The following FRMPD4 variants were observed in gnomAD, a reference collection of about 807,000 sequenced individuals.
FRMPD4 encodes the protein FERM and PDZ domain containing 4, also known as FERM and PDZ domain-containing protein 4.
A neutral mutation model predicts 94.1 loss-of-function variants in FRMPD4; 22 were observed. The observed-to-expected ratio is 0.23, with a 90% CI of 0.17 to 0.33. The LOEUF (loss-of-function observed/expected upper bound fraction) is 0.33, where lower values mean the gene tolerates loss of function less well. Among genes scored for constraint, FRMPD4 ranks in the 10% least tolerant of loss-of-function variants. FRMPD4 has a pLI of 1.00. For synonymous variants in FRMPD4, 631 were observed against 548.6 expected (o/e 1.15, Z -2.10); for missense variants, 1,111 against 1,339.9 (o/e 0.83, Z 2.67).
At chrX:12,506,582 C>T (rs1003890431) in intron 2 of FRMPD4, among the ~76,000 whole-genome samples, 10 of 112,155 alleles carry the variant, frequency 8.9e-5, no homozygotes, top group Admixed American at 8.5e-4. Flanking sequence ...CCACTGTACC[C>T]GGCCTATTTA....
chrX:11,927,595 C>T (rs1161124201), intron 3 of FRMPD4, among the ~76,000 whole-genome samples: 1 of 111,725 alleles, frequency 9.0e-6, no homozygotes, highest in Non-Finnish European at 1.9e-5. Flanking sequence ...AATAAGACCA[C>T]ACACCTAAGG....
intron 3 of FRMPD4, among the ~76,000 whole-genome samples, chrX:12,129,528 C>T (rs1211491658): frequency 9.0e-6 from 1 of 111,384 alleles, no homozygotes; most frequent in Non-Finnish European, 1.9e-5. Context: ...CAAACTATAT[C>T]AGCTCTCCTT....
rs566550884 is a variant in FRMPD4 at position 12,245,512 on chromosome X, CTTTT to C, written c.41+106518_41+106521del. On this transcript the variant is annotated intron_variant, in intron 1 of 16. Transcript: ENST00000675598. ...AATCTCTTCTCCTCTCTTATGTCCTCTTTTTTTTTTTTTTTTTTTTTCAAGGAGT... is the reference window on the plus strand; with the variant it reads ...AATCTCTTCTCCTCTCTTATGTCCTCTTTTTTTTTTTTTTTTTCAAGGAGT... Among the ~76,000 whole-genome samples, 292 of 67,536 alleles carry C rather than the reference CTTTT, an allele frequency of 4.3e-3. 3 individuals are homozygous for C. Among genetic ancestry groups the C allele is most frequent in the African/African-American group, 0.014 (259 of 18,068 alleles). The allele number at this position is 67,536 out of a possible 115,157, so 58.6% of individuals were successfully genotyped here.
In FRMPD4 at chrX:12,320,974, C is replaced by T. The variant is rs752302014; in HGVS notation, c.42-177706C>T. Among the ~76,000 whole-genome samples the T allele has an allele frequency of 1.2e-4, 13 of 112,277 alleles. 1 individual carries two copies. The highest frequency in any genetic ancestry group is 3.9e-4 in the African/African-American group (12 of 31,017). ...AATATTCATGACACTGACCCCAAGG[C>T]AAAGCTAGACTCAGTTATCAAACAA... On this transcript the variant is annotated intron_variant, in intron 1 of 16. Coordinates refer to ENST00000675598, the MANE Select transcript of FRMPD4 (RefSeq NM_001368397.1).
At position 12,662,276 on chromosome X, in the gene FRMPD4, C is replaced by T. The variant is rs771018918; in HGVS notation, c.423-12587C>T. Among the ~76,000 whole-genome samples the T allele has an allele frequency of 2.1e-4, 23 of 110,178 alleles. No individual in the cohort carries two copies. In the South Asian group the frequency reaches 3.5e-3, roughly 17 times the overall value. Reference sequence around the variant, plus strand: ...TGCAGGTTTGTTACATAGGTATACACGTGCCATGGTGGTTTGCTGCACCCA... The same window carrying T: ...TGCAGGTTTGTTACATAGGTATACATGTGCCATGGTGGTTTGCTGCACCCA... On this transcript the variant is annotated intron_variant, in intron 4 of 16. Transcript: ENST00000675598.
Position 12,052,064 on chromosome X carries a change from A to G in FRMPD4, c.95+174046A>G, listed in dbSNP as rs890617305. ...TACTCATTTGGACATATTTTAAGGT[A>G]TACCTCAAAGATATTTTTAATTTTT... On this transcript the variant is annotated intron_variant, in intron 3 of 18. Transcript: ENST00000640291. Among the ~76,000 whole-genome samples, 8 of 111,960 alleles carry G rather than the reference A, an allele frequency of 7.1e-5. No homozygotes were observed. The South Asian group carries it at 1.1e-3, about 16-fold the overall frequency.
chrX:12,135,467 AG>A (rs1399035982), upstream of FRMPD4, among the ~76,000 whole-genome samples: 1 of 107,454 alleles, frequency 9.3e-6, no homozygotes, highest in Non-Finnish European at 1.9e-5. Context: ...ACAAAGGAGG[AG>A]GGGTGGAATC....
In FRMPD4 at chrX:12,139,746, C is replaced by T. The variant is rs943766274; in HGVS notation, c.41+734C>T. On this transcript the variant is annotated intron_variant, in intron 1 of 16. Coordinates refer to ENST00000675598, the MANE Select transcript of FRMPD4 (RefSeq NM_001368397.1). ...CAGAGCACTCCTCCAGGTCTTCTGC[C>T]CTGCTTATGCTTCCAAAGTCTTCGT... 4.5e-5 allele frequency among the ~76,000 whole-genome samples: 5 copies of T among 111,601 alleles called. No individual in the cohort carries two copies. The South Asian group carries it at 1.9e-3, about 42-fold the overall frequency.
chrX:11,929,768 T>A (rs758240920), intron 3 of FRMPD4, among the ~76,000 whole-genome samples: 2 of 110,923 alleles, frequency 1.8e-5, no homozygotes, highest in South Asian at 3.9e-4. Flanking sequence ...CTGAAAGATG[T>A]TGGGAAGTCT....
intron 1 of FRMPD4, among the ~76,000 whole-genome samples, chrX:12,250,280 A>G (rs1008762835): frequency 9.0e-6 from 1 of 111,359 alleles, no homozygotes; most frequent in Non-Finnish European, 1.9e-5. Flanking sequence ...ATAACTGGGC[A>G]TTTAACAATG....
chrX:12,546,261 A>T (rs1288291165), intron 2 of FRMPD4, among the ~76,000 whole-genome samples: 1 of 108,305 alleles, frequency 9.2e-6, no homozygotes, highest in African/African-American at 3.4e-5. Context: ...GTTCACTGCA[A>T]CCTCCACCTC....
chrX:12,488,448 C>T (rs1331100303), intron 1 of FRMPD4, among the ~76,000 whole-genome samples: 1 of 111,677 alleles, frequency 9.0e-6, no homozygotes, highest in East Asian at 2.8e-4. Flanking sequence ...GTGAGTTTTT[C>T]CATTATTGTT....
intron 3 of FRMPD4, among the ~76,000 whole-genome samples, chrX:12,108,716 G>C (rs2055324588): frequency 9.0e-6 from 1 of 111,686 alleles, no homozygotes; most frequent in Non-Finnish European, 1.9e-5. Flanking sequence ...TCAAAATAAA[G>C]GGATGGAGGA....
At chrX:11,918,097 GC>G (rs1383383827) in intron 3 of FRMPD4, among the ~76,000 whole-genome samples, 1 of 111,805 alleles carries the variant, frequency 8.9e-6, no homozygotes, top group Non-Finnish European at 1.9e-5. Flanking sequence ...CTCTTTATGT[GC>G]CCTTTAAATA....
intron 1 of FRMPD4, among the ~76,000 whole-genome samples, chrX:12,293,171 G>A (rs1421410598): frequency 8.9e-6 from 1 of 111,852 alleles, no homozygotes; most frequent in Non-Finnish European, 1.9e-5. Flanking sequence ...TAATAATATA[G>A]GAATGTGGAA....
chrX:11,863,552 C>T (rs2053700859), intron 1 of FRMPD4, among the ~76,000 whole-genome samples: 1 of 111,440 alleles, frequency 9.0e-6, no homozygotes, highest in Non-Finnish European at 1.9e-5. Flanking sequence ...AAGTAATTTA[C>T]ATTCTTTCCC....
chrX:12,058,956 C>T (rs965232910), intron 3 of FRMPD4, among the ~76,000 whole-genome samples: 4 of 111,412 alleles, frequency 3.6e-5, no homozygotes, highest in African/African-American at 1.3e-4. Flanking sequence ...GGTTTAGAAA[C>T]TGTACTAAGT....
At chrX:12,328,353 G>A (rs2055320272) in intron 1 of FRMPD4, among the ~76,000 whole-genome samples, 1 of 111,938 alleles carries the variant, frequency 8.9e-6, no homozygotes, top group Admixed American at 9.5e-5. Context: ...ATGAGATTAA[G>A]CCAGGGCTAG....
chrX:12,260,130 T>G (rs748725846), intron 1 of FRMPD4, among the ~76,000 whole-genome samples: 1 of 111,428 alleles, frequency 9.0e-6, no homozygotes, highest in South Asian at 3.8e-4. Context: ...ACCTTGGCCT[T>G]TTTTCCTTCT....
Sources: allele counts gnomAD v4.1 joint callset (sites outside exome capture counted in the v4.1 genomes callset), GRCh38; gene constraint gnomAD v4.1.1; transcripts MANE v1.5; gene names NCBI Gene and HGNC (gene_info 2026-07-23, HGNC 2026-07-21).